RANBP10: variants seen among roughly 807,000 people sequenced by gnomAD.
RANBP10 encodes ran-binding protein 10.
A neutral mutation model predicts 72.8 loss-of-function variants in RANBP10; 24 were observed. The observed-to-expected ratio is 0.33, with a 90% CI of 0.24 to 0.46. The LOEUF (loss-of-function observed/expected upper bound fraction) is 0.46. RANBP10 is among the 20% of genes least tolerant of loss of function. The pLI is 1.00. For synonymous variants in RANBP10, 310 were observed against 322.3 expected (o/e 0.96, Z 0.41); for missense variants, 679 against 817.5 (o/e 0.83, Z 2.07).
chr16:67,768,365 C>T (rs2054543351), intron 3 of RANBP10, among the ~76,000 whole-genome samples: 1 of 149,916 alleles, frequency 6.7e-6, no homozygotes, highest in Admixed American at 6.6e-5. Flanking sequence ...ACTAAAAATA[C>T]AAAAAATTAG....
chr16:67,766,089 C>T (rs1307050133), intron 3 of RANBP10, among the ~76,000 whole-genome samples: 2 of 152,086 alleles, frequency 1.3e-5, no homozygotes, highest in Non-Finnish European at 2.9e-5. Context: ...TGCCTCCTAC[C>T]AACCACACAT....
At chr16:67,794,463 G>A (rs140160953) in intron 2 of RANBP10, among the ~76,000 whole-genome samples, 1 of 151,192 alleles carries the variant, frequency 6.6e-6, no homozygotes, top group Non-Finnish European at 1.5e-5. Context: ...CACCACACCC[G>A]GCCTGCTGTG....
At chr16:67,764,746 G>A (rs963090525) in intron 3 of RANBP10, among the ~76,000 whole-genome samples, 1 of 152,172 alleles carries the variant, frequency 6.6e-6, no homozygotes, top group Admixed American at 6.5e-5. Context: ...TTCTGGTTCG[G>A]AAGACTAAAT....
chr16:67,787,790 C>A (rs1343280965), intron 2 of RANBP10, among the ~76,000 whole-genome samples: 1 of 152,102 alleles, frequency 6.6e-6, no homozygotes, highest in Non-Finnish European at 1.5e-5. Flanking sequence ...TCACTTGAGG[C>A]CCGGTGTCAA....
At chr16:67,731,430 G>A in intron 7 of RANBP10, 42 bp downstream of exon 7, 1 of 1,518,302 alleles carries the variant, frequency 6.6e-7, no homozygotes, top group South Asian at 1.1e-5. Flanking sequence ...CAGAGTTAGG[G>A]ACAGGTGAGG....
intron 2 of RANBP10, among the ~76,000 whole-genome samples, chr16:67,775,020 T>TG (rs1350618302): frequency 2.0e-5 from 3 of 152,238 alleles, no homozygotes; most frequent in Middle Eastern, 3.4e-3. Flanking sequence ...AGGTCATATA[T>TG]GAAAAACCTG....
chr16:67,780,299 C>T (rs1255790582), intron 2 of RANBP10, among the ~76,000 whole-genome samples: 3 of 152,028 alleles, frequency 2.0e-5, no homozygotes, highest in Non-Finnish European at 2.9e-5. Flanking sequence ...AAAGCAGCCA[C>T]GTGGTTGGGG....
chr16:67,787,386 G>A (rs2054935619), intron 2 of RANBP10, among the ~76,000 whole-genome samples: 1 of 152,124 alleles, frequency 6.6e-6, no homozygotes, highest in African/African-American at 2.4e-5. Flanking sequence ...TAAAATAAAT[G>A]TTGGCAAGGA....
chr16:67,758,621 C>T (rs1382852830), intron 3 of RANBP10, among the ~76,000 whole-genome samples: 1 of 152,232 alleles, frequency 6.6e-6, no homozygotes, highest in Non-Finnish European at 1.5e-5. Flanking sequence ...AATGTGGCCT[C>T]AGCCTCACCC....
chr16:67,746,712 C>G (rs967846256), intron 3 of RANBP10, among the ~76,000 whole-genome samples: 1 of 152,184 alleles, frequency 6.6e-6, no homozygotes, highest in Non-Finnish European at 1.5e-5. Context: ...TCCCAGTCCC[C>G]GGCAACACTA....
chr16:67,765,768 G>A lies in RANBP10; in HGVS notation c.400+6266C>T, dbSNP rs566204228. Reference sequence around the variant, plus strand: ...GGAGAATGGCGTGAACCCAGGAGGCGGAGCTTGCAGTGAGCCGAGATCGCG... The same window carrying A: ...GGAGAATGGCGTGAACCCAGGAGGCAGAGCTTGCAGTGAGCCGAGATCGCG... On this transcript the variant is annotated intron_variant, in intron 3 of 13. Coordinates refer to ENST00000317506, the MANE Select transcript of RANBP10 (RefSeq NM_020850.3). 2.6e-5 allele frequency among the ~76,000 whole-genome samples: 4 copies of A among 152,122 alleles called. No individual in the cohort carries two copies. In the East Asian group the frequency reaches 7.7e-4, roughly 29 times the overall value.
In RANBP10 at chr16:67,729,260, AAGC is replaced by A; in HGVS notation, c.1352+17_1352+19del. The stretch of plus-strand genomic sequence containing the variant: ...GGCATAAGGCAGAAGGCAGAGGAGG[AAGC>A]AGAGCAAGGCAGGCACCTGGTCTCC... On this transcript the variant is annotated intron_variant, in intron 10 of 13. Transcript: ENST00000317506. This position sits in a 1 kb window ranked among gnomAD's most constrained non-coding sequence, Gnocchi z 7.1. The A allele has an allele frequency of 6.2e-7, 1 of 1,610,200 alleles. No individual in the cohort carries two copies. The highest frequency in any genetic ancestry group is 1.7e-5 in the Admixed American group (1 of 59,944).
Position 67,726,149 on chromosome 16 carries a change from A to C in RANBP10, c.*279T>G. 1 of 369,880 alleles carries C rather than the reference A, an allele frequency of 2.7e-6. No individual in the cohort carries two copies. The highest frequency in any genetic ancestry group is 5.0e-6 in the Non-Finnish European group (1 of 198,228). 22.9% of individuals were successfully genotyped at this position (369,880 alleles called of 1,614,324 possible). The stretch of plus-strand genomic sequence containing the variant: ...TTTAAAAACCCCAACCCCTCCTCAA[A>C]ACAAAACCCCCCTTTCAAAATAGAA... On this transcript the variant is annotated 3_prime_UTR_variant, in exon 14 of 14. Coordinates refer to ENST00000317506, the MANE Select transcript of RANBP10 (RefSeq NM_020850.3).
intron 6 of RANBP10, among the ~76,000 whole-genome samples, chr16:67,731,947 G>A (rs1385281032): frequency 1.3e-5 from 2 of 152,182 alleles, no homozygotes; most frequent in East Asian, 3.9e-4. Context: ...AAGCCTAAGA[G>A]GCCAATAGTC....
In RANBP10 at chr16:67,737,071, G is replaced by A. The variant is rs150923148; in HGVS notation, c.591+942C>T. The stretch of plus-strand genomic sequence containing the variant: ...CCTGTGATGACTCATAATAGAGACT[G>A]GAGTACAGGTGCGGGATGGCTGGAG... On this transcript the variant is annotated intron_variant, in intron 5 of 13. Coordinates refer to ENST00000317506, the MANE Select transcript of RANBP10 (RefSeq NM_020850.3). Among the ~76,000 whole-genome samples the A allele has an allele frequency of 7.4e-3, 1,129 of 151,764 alleles. 11 individuals carry two copies. Among genetic ancestry groups the A allele is most frequent in the Middle Eastern group, 0.024 (7 of 286 alleles).
intron 3 of RANBP10, among the ~76,000 whole-genome samples, chr16:67,753,764 A>G (rs1008961721): frequency 6.6e-6 from 1 of 152,184 alleles, no homozygotes; most frequent in African/African-American, 2.4e-5. Context: ...GTGTGGGTGC[A>G]GCTAATGTGA....
chr16:67,748,511 C>T (rs1420746495), intron 3 of RANBP10, among the ~76,000 whole-genome samples: 2 of 150,610 alleles, frequency 1.3e-5, no homozygotes, highest in East Asian at 1.9e-4. Flanking sequence ...GCAACAAGAG[C>T]GAAACTCCGT....
chr16:67,738,017 A>G lies in RANBP10; in HGVS notation c.587T>C (p.Leu196Pro). ...AGACTCAATAGTAGTACTCACCGGGAGGTCTGTGAAGGCTATACCTGTGGG... is the reference window on the plus strand; with the variant it reads ...AGACTCAATAGTAGTACTCACCGGGGGGTCTGTGAAGGCTATACCTGTGGG... The part of the protein sequence containing the change: ...GHSLGIAFTD[L>P]PANLYPTVGL... Residue 196 changes from leucine to proline, a missense_variant, in exon 5 of 14, where the codon CTC becomes CCC. By Grantham distance (98) the Leu-to-Pro change is moderately conservative. Transcript: ENST00000317506. 1 of 1,590,124 alleles carries G rather than the reference A, an allele frequency of 6.3e-7. No individual in the cohort carries two copies. The highest frequency in any genetic ancestry group is 8.6e-7 in the Non-Finnish European group (1 of 1,166,996).
chr16:67,799,627 C>T (rs1319595504), intron 2 of RANBP10, among the ~76,000 whole-genome samples: 1 of 152,120 alleles, frequency 6.6e-6, no homozygotes, highest in East Asian at 1.9e-4. Context: ...CTGCCTGAAG[C>T]ATCTGCTTCT....
Sources: gnomAD v4.1 joint callset for allele counts (sites outside exome capture counted in the v4.1 genomes callset) on GRCh38, gnomAD v4.1.1 for gene constraint, Gnocchi (gnomAD v3.1) non-coding constraint, MANE v1.5 for transcripts, NCBI Gene and HGNC (gene_info 2026-07-23, HGNC 2026-07-21) for gene names.